ARHGEF37: variants seen among roughly 807,000 people sequenced by gnomAD.
ARHGEF37 encodes the protein Rho guanine nucleotide exchange factor (GEF) 37.
A neutral mutation model predicts 71.1 loss-of-function variants in ARHGEF37; 55 were observed. The ratio of observed to expected loss-of-function variants is 0.77; its 90% CI spans 0.62 to 0.97. ARHGEF37 has a LOEUF of 0.97. ARHGEF37 is among the 50% of genes least tolerant of loss of function. ARHGEF37 has a pLI of 0.00. For synonymous variants in ARHGEF37, 327 were observed against 350.6 expected, an observed-to-expected ratio of 0.93 and a Z score of 0.75; for missense variants, 765 against 836.8, an observed-to-expected ratio of 0.91 and a Z score of 1.06.
At chr5:149,625,633 C>T (rs1350419342) in intron 10 of ARHGEF37, among the ~76,000 whole-genome samples, 1 of 152,220 alleles carries the variant, frequency 6.6e-6, no homozygotes, top group Non-Finnish European at 1.5e-5. Flanking sequence ...GAGAGTTTTG[C>T]CCAGCAGAGA....
intron 2 of ARHGEF37, among the ~76,000 whole-genome samples, chr5:149,600,557 AC>A (rs2113315943): frequency 6.6e-6 from 1 of 152,198 alleles, no homozygotes; most frequent in African/African-American, 2.4e-5. Flanking sequence ...CTGGCAGCAG[AC>A]CTAGGCTAAA....
At chr5:149,598,328 T>TTCTTCTTCTTCTTC (rs1763624791) in intron 2 of ARHGEF37, among the ~76,000 whole-genome samples, 3 of 95,822 alleles carry the variant, frequency 3.1e-5, no homozygotes, top group African/African-American at 1.1e-4. Flanking sequence ...TCTTCTTCTT[T>TTCTTCTTCTTCTTC]CTTCCTCTTC....
chr5:149,566,551 C>A (rs557387111), intron 1 of ARHGEF37, among the ~76,000 whole-genome samples: 262 of 145,616 alleles, frequency 1.8e-3, no homozygotes, highest in Non-Finnish European at 2.9e-3. Flanking sequence ...ACAACAACAA[C>A]AAAAAACCTT....
chr5:149,561,321 T>C (rs1762827376), intron 1 of ARHGEF37, among the ~76,000 whole-genome samples: 1 of 148,014 alleles, frequency 6.8e-6, no homozygotes, highest in Non-Finnish European at 1.5e-5. Context: ...CTTTTCAGTA[T>C]AGCTTTCCCT....
In ARHGEF37 at chr5:149,581,578, C is replaced by G. The variant is rs35436322; in HGVS notation, c.-58C>G. 38,917 of 151,952 alleles carry G rather than the reference C, an allele frequency of 0.26. 5,413 individuals carry two copies. Among genetic ancestry groups the G allele is most frequent in the Admixed American group, 0.41 (6,322 of 15,270 alleles). The allele number at this position is 151,952 out of a possible 1,614,324, so 9.4% of individuals were successfully genotyped here. A position where few individuals can be genotyped will look rare whatever the true frequency, so the allele number is the denominator to read the frequency against. On this transcript the variant is annotated 5_prime_UTR_variant, in exon 1 of 13. Coordinates refer to ENST00000333677, the MANE Select transcript of ARHGEF37 (RefSeq NM_001001669.3). The stretch of plus-strand genomic sequence containing the variant: ...TGCCCCGGCTGCGCTGTTGCCCGGG[C>G]GGCCGACCTCCGTGCGTGAGCGCCG...
At chr5:149,595,945 A>ATTT (rs34343291) in intron 1 of ARHGEF37, among the ~76,000 whole-genome samples, 1 of 138,102 alleles carries the variant, frequency 7.2e-6, no homozygotes, top group African/African-American at 2.6e-5. Context: ...GGATAGCTGC[A>ATTT]TTTTTTTTTT....
At chr5:149,590,780 A>G (rs1561791442) in intron 1 of ARHGEF37, among the ~76,000 whole-genome samples, 1 of 151,648 alleles carries the variant, frequency 6.6e-6, no homozygotes, top group Admixed American at 6.6e-5. Flanking sequence ...TGTATTTTTT[A>G]TAGAGATGGG....
intron 9 of ARHGEF37, among the ~76,000 whole-genome samples, chr5:149,623,742 C>T (rs1268942928): frequency 6.6e-6 from 1 of 152,220 alleles, no homozygotes; most frequent in African/African-American, 2.4e-5. Context: ...AAACCTCAAT[C>T]TCCCTGAATC....
At chr5:149,582,454 C>T (rs1763128993) in intron 1 of ARHGEF37, among the ~76,000 whole-genome samples, 1 of 152,214 alleles carries the variant, frequency 6.6e-6, no homozygotes, top group South Asian at 2.1e-4. Context: ...ATAGTTTAAC[C>T]TTTTCAAGGC....
At chr5:149,582,050 A>G (rs2113263599) in intron 1 of ARHGEF37, among the ~76,000 whole-genome samples, 1 of 152,364 alleles carries the variant, frequency 6.6e-6, no homozygotes, top group South Asian at 2.1e-4. Context: ...GCCAGGAAAA[A>G]AGAGAACAGA....
intron 1 of ARHGEF37, among the ~76,000 whole-genome samples, chr5:149,571,458 A>G (rs1253581707): frequency 6.6e-6 from 1 of 152,192 alleles, no homozygotes; most frequent in African/African-American, 2.4e-5. Context: ...ACTGAAAACT[A>G]TAAAACTTTG....
At chr5:149,602,891 G>A (rs1258375814) in intron 3 of ARHGEF37, among the ~76,000 whole-genome samples, 1 of 152,074 alleles carries the variant, frequency 6.6e-6, no homozygotes, top group Non-Finnish European at 1.5e-5. Context: ...TCCTGAACAC[G>A]AATGATGAGG....
chr5:149,566,431 G>C (rs772890468), intron 1 of ARHGEF37, among the ~76,000 whole-genome samples: 17 of 152,030 alleles, frequency 1.1e-4, no homozygotes, highest in Non-Finnish European at 2.5e-4. Context: ...CTGGGAGGCA[G>C]AAGTTGCAGT....
intron 1 of ARHGEF37, among the ~76,000 whole-genome samples, chr5:149,596,348 A>C (rs2113300038): frequency 6.6e-6 from 1 of 152,334 alleles, no homozygotes; most frequent in East Asian, 1.9e-4. Flanking sequence ...TCTGTCACCC[A>C]GGCTGGAGGG....
Position 149,627,171 on chromosome 5 carries a change from T to A in ARHGEF37, c.1560T>A (p.Thr520=), listed in dbSNP as rs374882192. 7 of 1,614,008 alleles carry A rather than the reference T, an allele frequency of 4.3e-6. No homozygotes were observed. Among genetic ancestry groups the A allele is most frequent in the African/African-American group, 1.3e-5 (1 of 74,920 alleles). ...AGGTGACAAGCAACATCAGTGGGACTGGGACTCTGGACCTGACTCTGCCTC... is the reference window on the plus strand; with the variant it reads ...AGGTGACAAGCAACATCAGTGGGACAGGGACTCTGGACCTGACTCTGCCTC... The part of the protein sequence containing the change: ...LYQVTSNISG[T]GTLDLTLPRG... The change falls in exon 11 of 13, where the codon ACT becomes ACA. Residue 520 remains threonine, a synonymous_variant. Transcript: ENST00000333677.
intron 6 of ARHGEF37, 124 bp from the exon 7 acceptor site, chr5:149,618,814 T>G (rs561539462): frequency 1.3e-6 from 1 of 758,778 alleles, no homozygotes. Flanking sequence ...GCTTTGGGGT[T>G]GCGAGAACCA....
rs1580918200 is a variant in ARHGEF37 at position 149,609,528 on chromosome 5, T to C, written c.311-20T>C. 2 of 1,613,262 alleles carry C rather than the reference T, an allele frequency of 1.2e-6. No homozygotes were observed. On this transcript the variant is annotated intron_variant, in intron 3 of 12. Transcript: ENST00000333677. ...CACAGACATGCCCTTGACGACCCCTTGTTGCGTCTTCACTCTCAGGTAACA... is the reference window on the plus strand; with the variant it reads ...CACAGACATGCCCTTGACGACCCCTCGTTGCGTCTTCACTCTCAGGTAACA...
chr5:149,621,790 C>T lies in ARHGEF37; in HGVS notation c.1063C>T (p.Leu355Phe), dbSNP rs374376221. The T allele has an allele frequency of 8.9e-5, 144 of 1,614,246 alleles. 2 individuals carry two copies. The Middle Eastern group carries it at 2.1e-3, about 24-fold the overall frequency. ...QPLCSLAKAL[L>F]GPQNLIKKRL... ...ACTGTGCAGCCTGGCCAAAGCCCTG[C>T]TTGGCCCTCAGAACCTGATCAAGAA... Residue 355 changes from leucine to phenylalanine, a missense_variant, in exon 9 of 13, where the codon CTT becomes TTT. Physicochemically the swap from Leu to Phe is conservative, Grantham distance 22. Transcript: ENST00000333677.
chr5:149,558,725 GTGTGTGTGTGTGTA>G (rs1450415194), intron 1 of ARHGEF37, among the ~76,000 whole-genome samples: 1,803 of 118,238 alleles, frequency 0.015, 35 homozygotes, highest in African/African-American at 0.047. Context: ...GTGTGTGTGT[GTGTGTGTGTGTGTA>G]TATATATTTT....
Sources: gnomAD v4.1 joint callset for allele counts (sites outside exome capture counted in the v4.1 genomes callset) on GRCh38, gnomAD v4.1.1 for gene constraint, MANE v1.5 for transcripts, NCBI Gene and HGNC (gene_info 2026-07-23, HGNC 2026-07-21) for gene names.